Variants in TENM2 observed in about 807,000 individuals in gnomAD.
TENM2 encodes the protein teneurin-2.
A neutral mutation model predicts 245.2 loss-of-function variants in TENM2; 52 were observed. The ratio of observed to expected loss-of-function variants is 0.21; its 90% CI spans 0.17 to 0.27. The LOEUF (loss-of-function observed/expected upper bound fraction) is 0.27. TENM2 is among the 10% of genes least tolerant of loss of function. TENM2 has a pLI of 1.00. For missense variants in TENM2, 3,046 were observed against 3,666.8 expected, an observed-to-expected ratio of 0.83 and a Z score of 4.37; for synonymous variants, 1,363 against 1,438.9, an observed-to-expected ratio of 0.95 and a Z score of 1.19.
intron 2 of TENM2, among the ~76,000 whole-genome samples, chr5:167,574,723 C>G (rs1269415638): frequency 1.3e-5 from 2 of 152,242 alleles, no homozygotes; most frequent in Admixed American, 6.5e-5. Context: ...GTTTGATAAA[C>G]CTTTCTGGAT....
intron 10 of TENM2, 102 bp downstream of exon 12, chr5:168,118,588 G>T: frequency 1.1e-6 from 1 of 918,596 alleles, no homozygotes; most frequent in Non-Finnish European, 1.5e-6. Flanking sequence ...TTTTGCAAGA[G>T]AAGTTTCAAC....
intron 3 of TENM2, among the ~76,000 whole-genome samples, chr5:167,914,798 C>T (rs1776805315): frequency 6.6e-6 from 1 of 152,130 alleles, no homozygotes; most frequent in Non-Finnish European, 1.5e-5. Context: ...GCTGCAACAC[C>T]TCACTCTCTC....
intron 1 of TENM2, among the ~76,000 whole-genome samples, chr5:167,296,899 GTGGCCACAGTCCATGTCATTTTTGTTTC>G (rs1267500582): frequency 6.6e-6 from 1 of 152,186 alleles, no homozygotes; most frequent in East Asian, 1.9e-4. Flanking sequence ...GACAATGACT[GTGGCCACAGTCCATGTCATTTTTGTTTC>G]TAGACCAGTG....
At position 167,533,181 on chromosome 5, in the gene TENM2, A is replaced by G. The variant is rs148868084; in HGVS notation, c.502+157708A>G. On this transcript the variant is annotated intron_variant, in intron 2 of 28. Coordinates refer to ENST00000518659, the Ensembl canonical transcript of TENM2. Reference sequence around the variant, plus strand: ...AAAAATTGAAATAGTGAAAGATAGTATGGCTTGGGTAAAAATGTTTATGAA... The same window carrying G: ...AAAAATTGAAATAGTGAAAGATAGTGTGGCTTGGGTAAAAATGTTTATGAA... Among the ~76,000 whole-genome samples, 639 of 152,290 alleles carry G rather than the reference A, an allele frequency of 4.2e-3. 3 individuals are homozygous for G. The highest frequency in any genetic ancestry group is 0.032 in the East Asian group (165 of 5,174).
chr5:167,582,762 T>C (rs1171690051), intron 2 of TENM2, among the ~76,000 whole-genome samples: 1 of 150,382 alleles, frequency 6.6e-6, no homozygotes. Context: ...TTTTTGAGGA[T>C]TTTTTTTTAA....
chr5:167,861,605 T>C (rs1185024918), intron 2 of TENM2, among the ~76,000 whole-genome samples: 1 of 152,210 alleles, frequency 6.6e-6, no homozygotes, highest in Non-Finnish European at 1.5e-5. Flanking sequence ...CTGGGGGCAT[T>C]GTTCTAGCCA....
chr5:167,988,073 G>T (rs546760326), intron 4 of TENM2, among the ~76,000 whole-genome samples: 1 of 152,182 alleles, frequency 6.6e-6, no homozygotes, highest in Non-Finnish European at 1.5e-5. Context: ...GTGCTGAAAA[G>T]CATGCAGGTT....
intron 1 of TENM2, among the ~76,000 whole-genome samples, chr5:167,363,724 C>A (rs1426041598): frequency 1.3e-5 from 1 of 74,844 alleles, no homozygotes. Flanking sequence ...AAGCGAGACT[C>A]CATCTCAAAA....
At chr5:167,825,086 A>G (rs1767849419) in intron 2 of TENM2, among the ~76,000 whole-genome samples, 1 of 152,174 alleles carries the variant, frequency 6.6e-6, no homozygotes, top group South Asian at 2.1e-4. Flanking sequence ...GGAGGCAAAT[A>G]TATATGTTCA....
the TENM2 span, among the ~76,000 whole-genome samples, chr5:166,999,356 C>G: frequency 6.6e-6 from 1 of 152,186 alleles, no homozygotes; most frequent in South Asian, 2.1e-4. Flanking sequence ...TGGTCCTGCC[C>G]GTTACTGAGA....
intron 2 of TENM2, among the ~76,000 whole-genome samples, chr5:167,867,955 G>A (rs7723890): frequency 0.04 from 6,012 of 152,184 alleles, 386 homozygotes; most frequent in African/African-American, 0.14. Context: ...CTGTTTTCTT[G>A]GGTAGGGGAA....
At chr5:168,100,532 C>T (rs546228007) in intron 9 of TENM2, among the ~76,000 whole-genome samples, 68 of 152,290 alleles carry the variant, frequency 4.5e-4, no homozygotes, top group African/African-American at 1.6e-3. Context: ...GGCACATATA[C>T]ACCACGAAAT....
At chr5:167,926,707 G>C (rs1259926543) in intron 3 of TENM2, among the ~76,000 whole-genome samples, 1 of 147,750 alleles carries the variant, frequency 6.8e-6, no homozygotes, top group African/African-American at 2.6e-5. Flanking sequence ...GGGTGACAGA[G>C]TGAGATTCCA....
intron 2 of TENM2, among the ~76,000 whole-genome samples, chr5:167,739,517 A>T (rs1761028636): frequency 6.6e-6 from 1 of 152,140 alleles, no homozygotes; most frequent in Non-Finnish European, 1.5e-5. Context: ...AGCAATAAGC[A>T]ACTCCCTAAA....
intron 5 of TENM2, among the ~76,000 whole-genome samples, chr5:167,999,589 C>T (rs1388236428): frequency 2.0e-5 from 3 of 152,182 alleles, no homozygotes; most frequent in Non-Finnish European, 2.9e-5. Context: ...ATTTGTACCT[C>T]GTGTTTGACA....
At chr5:167,748,931 T>C (rs1219502814) in intron 2 of TENM2, among the ~76,000 whole-genome samples, 1 of 152,132 alleles carries the variant, frequency 6.6e-6, no homozygotes, top group African/African-American at 2.4e-5. Flanking sequence ...CCAAATCATA[T>C]TGGTGGAGTT....
chr5:167,567,859 C>G (rs995049421), intron 2 of TENM2, among the ~76,000 whole-genome samples: 5 of 152,022 alleles, frequency 3.3e-5, no homozygotes, highest in Non-Finnish European at 5.9e-5. Flanking sequence ...CACATAATTT[C>G]CGAATGACAG....
At position 167,568,646 on chromosome 5, in the gene TENM2, G is replaced by GGTGTGTGTGT. The variant is rs3138740; in HGVS notation, c.502+193200_502+193209dup. 2.5e-3 allele frequency among the ~76,000 whole-genome samples: 352 copies of GGTGTGTGTGT among 142,616 alleles called. 4 individuals carry two copies. Among genetic ancestry groups the GGTGTGTGTGT allele is most frequent in the African/African-American group, 6.6e-3 (258 of 38,940 alleles). The allele number at this position is 142,616 out of a possible 152,430, so 93.6% of individuals were successfully genotyped here. A position where few individuals can be genotyped will look rare whatever the true frequency, so the allele number is the denominator to read the frequency against. ...TTGTGCACAGACAGGCAGAGACCAT[G>GGTGTGTGTGT]GTGTGTGTGTGTGTGTGTGTGTGTG... On this transcript the variant is annotated intron_variant, in intron 2 of 28. Transcript: ENST00000518659.
At chr5:167,177,072 T>C in the TENM2 span, among the ~76,000 whole-genome samples, 1 of 152,204 alleles carries the variant, frequency 6.6e-6, no homozygotes, top group African/African-American at 2.4e-5. Flanking sequence ...ATGATGCTTT[T>C]AGTTTTAAAA....
Sources: gnomAD v4.1 joint callset for allele counts (sites outside exome capture counted in the v4.1 genomes callset) on GRCh38, gnomAD v4.1.1 for gene constraint, MANE v1.5 for transcripts, NCBI Gene and HGNC (gene_info 2026-07-23, HGNC 2026-07-21) for gene names.